Variants in NEK5 observed in about 807,000 individuals in gnomAD.
NEK5 encodes the protein serine/threonine-protein kinase Nek5.
A neutral mutation model predicts 109.2 loss-of-function variants in NEK5; 88 were observed. That is an observed-to-expected ratio of 0.81 (90% CI 0.68 to 0.96). The LOEUF is 0.96. NEK5 is among the 40% of genes least tolerant of loss of function. The pLI is 0.00. For synonymous variants in NEK5, 283 were observed against 299.9 expected (o/e 0.94, Z 0.58); for missense variants, 834 against 920.7 (o/e 0.91, Z 1.22).
intron 12 of NEK5, among the ~76,000 whole-genome samples, chr13:52,099,500 T>C (rs1955485347): frequency 6.6e-6 from 1 of 152,122 alleles, no homozygotes; most frequent in African/African-American, 2.4e-5. Flanking sequence ...TGAAACCCCA[T>C]CTCTACCAAA....
At chr13:52,085,160 A>C (rs1955115451) in intron 16 of NEK5, among the ~76,000 whole-genome samples, 1 of 152,078 alleles carries the variant, frequency 6.6e-6, no homozygotes, top group Non-Finnish European at 1.5e-5. Context: ...CTCCCATACT[A>C]TTTTAATGGT....
chr13:52,084,013 T>A (rs1053912539), intron 16 of NEK5, among the ~76,000 whole-genome samples: 1 of 152,134 alleles, frequency 6.6e-6, no homozygotes, highest in African/African-American at 2.4e-5. Flanking sequence ...CATGGTTCTT[T>A]CAGAATGCCC....
intron 12 of NEK5, 79 bp from the exon 13 acceptor site, chr13:52,093,314 C>A: frequency 1.9e-6 from 2 of 1,036,186 alleles, no homozygotes; most frequent in Non-Finnish European, 2.9e-6. Context: ...AACCCTAGCA[C>A]TTTGGGAGGC....
At position 52,099,732 on chromosome 13, in the gene NEK5, G is replaced by C; in HGVS notation, c.1026+11C>G. On this transcript the variant is annotated intron_variant, in intron 12 of 23. Transcript: ENST00000684899. ...GCTAAAAAACACAAAGGAGGGTTTA[G>C]AATGACTTACAGATCTGGCCTTCTG... 1 of 1,611,102 alleles carries C rather than the reference G, an allele frequency of 6.2e-7. No individual in the cohort carries two copies. Among genetic ancestry groups the C allele is most frequent in the Non-Finnish European group, 8.5e-7 (1 of 1,178,876 alleles).
At chr13:52,045,844 G>A (rs1386351342) in intron 23 of NEK5, among the ~76,000 whole-genome samples, 5 of 151,042 alleles carry the variant, frequency 3.3e-5, no homozygotes, top group African/African-American at 1.2e-4. Context: ...AGGCTGAGGC[G>A]GGTGGATCAC....
rs753180867 is a variant in NEK5 at position 52,034,881 on chromosome 13, C to CTTTTTTTTTTTTTTTTTTTTTTCT, written c.*2066_*2067insAGAAAAAAAAAAAAAAAAAAAAAA. Reference sequence around the variant, plus strand: ...ACCATCCTTAAACATTCTTTTTTTTCTTTTTTTTTTTTTTTTTTGCCCTTA... The same window carrying CTTTTTTTTTTTTTTTTTTTTTTCT: ...ACCATCCTTAAACATTCTTTTTTTTCTTTTTTTTTTTTTTTTTTTTTTCTTTTTTTTTTTTTTTTTTTGCCCTTA... On this transcript the variant is annotated 3_prime_UTR_variant, in exon 24 of 24. Transcript: ENST00000684899. The CTTTTTTTTTTTTTTTTTTTTTTCT allele has an allele frequency of 9.8e-6, 1 of 102,534 alleles. No individual in the cohort carries two copies. The highest frequency in any genetic ancestry group is 1.2e-4 in the Admixed American group (1 of 8,536). 6.4% of individuals were successfully genotyped at this position (102,534 alleles called of 1,614,324 possible). A position where few individuals can be genotyped will look rare whatever the true frequency, so the allele number is the denominator to read the frequency against.
At position 52,076,089 on chromosome 13, in the gene NEK5, T is replaced by C. The variant is rs762224268; in HGVS notation, c.1627A>G (p.Asn543Asp). ...MRLQNTKESKNPEQKYKAKKG... is the reference protein window; with the variant it reads ...MRLQNTKESKDPEQKYKAKKG... ...TTAGCTTTATATTTCTGTTCTGGAT[T>C]TTTACTTTCCTTTGTGTTCTGAAGC... Residue 543 changes from asparagine (N) to aspartate (D), a missense_variant, in exon 18 of 24, where the codon AAT becomes GAT. Coordinates refer to ENST00000684899, the MANE Select transcript of NEK5 (RefSeq NM_001365552.1). 6.2e-7 allele frequency: 1 copy of C among 1,601,254 alleles called. No homozygotes were observed. Among genetic ancestry groups the C allele is most frequent in the Non-Finnish European group, 8.5e-7 (1 of 1,171,678 alleles).
rs1270110282 is a variant in NEK5 at position 52,127,457 on chromosome 13, GC to G, written c.25del (p.Ala9ProfsTer12). 6.2e-7 allele frequency: 1 copy of G among 1,609,402 alleles called. No individual in the cohort carries two copies. Among genetic ancestry groups the G allele is most frequent in the Admixed American group, 1.7e-5 (1 of 59,990 alleles). MDKYDVIK[A>X]IGQGAFGKAY... is the part of the protein sequence containing the mutation. ...TTTCCCGAAGGCACCTTGCCCGATGGCCTTAATCACATCGTACTTATCCATG... is the reference window on the plus strand; with the variant it reads ...TTTCCCGAAGGCACCTTGCCCGATGGCTTAATCACATCGTACTTATCCATG... On this transcript the variant is annotated frameshift_variant, in exon 3 of 24. Coordinates refer to ENST00000684899, the MANE Select transcript of NEK5 (RefSeq NM_001365552.1). LOFTEE classifies it high-confidence loss of function.
intron 23 of NEK5, among the ~76,000 whole-genome samples, chr13:52,041,971 C>A (rs1728240257): frequency 6.6e-6 from 1 of 151,324 alleles, no homozygotes; most frequent in African/African-American, 2.4e-5. Context: ...ATTTTTAGAC[C>A]TAGACATACC....
intron 22 of NEK5, among the ~76,000 whole-genome samples, chr13:52,059,196 T>A: frequency 1.6e-5 from 1 of 62,134 alleles, no homozygotes; most frequent in Non-Finnish European, 3.2e-5. Flanking sequence ...AAAAAACACA[T>A]GAAAAAATGC....
At chr13:52,058,851 T>C (rs1478934285) in intron 22 of NEK5, among the ~76,000 whole-genome samples, 1 of 152,032 alleles carries the variant, frequency 6.6e-6, no homozygotes, top group Admixed American at 6.6e-5. Context: ...ATAAAAACCA[T>C]AGAAGAAAAC....
At chr13:52,053,892 C>A (rs112182967) in intron 22 of NEK5, among the ~76,000 whole-genome samples, 1 of 152,208 alleles carries the variant, frequency 6.6e-6, no homozygotes, top group Non-Finnish European at 1.5e-5. Context: ...CCTTCTACTG[C>A]ACCTTGTCCT....
chr13:52,052,357 CTACT>C (rs1051881292), intron 22 of NEK5, among the ~76,000 whole-genome samples: 7 of 152,134 alleles, frequency 4.6e-5, no homozygotes, highest in African/African-American at 1.7e-4. Context: ...CTGGATGGGG[CTACT>C]TACTTCTTTG....
intron 13 of NEK5, among the ~76,000 whole-genome samples, chr13:52,089,891 G>A (rs1955241280): frequency 6.6e-6 from 1 of 151,996 alleles, no homozygotes. Context: ...TGAGCAGGGA[G>A]GCAGAGGTTG....
intron 17 of NEK5, among the ~76,000 whole-genome samples, chr13:52,080,767 G>C (rs1432219480): frequency 6.6e-6 from 1 of 151,734 alleles, no homozygotes; most frequent in African/African-American, 2.4e-5. Context: ...AAGGCCGCAG[G>C]GTCCTCTGCC....
At chr13:52,095,942 G>A (rs1955404567) in intron 12 of NEK5, among the ~76,000 whole-genome samples, 1 of 152,144 alleles carries the variant, frequency 6.6e-6, no homozygotes, top group African/African-American at 2.4e-5. Context: ...CCTGGTAAAT[G>A]GATCGTTGGG....
intron 8 of NEK5, among the ~76,000 whole-genome samples, chr13:52,107,547 G>A (rs1377743229): frequency 1.3e-5 from 2 of 151,518 alleles, no homozygotes; most frequent in Non-Finnish European, 2.9e-5. Flanking sequence ...AGCCGAGATC[G>A]TGCCATTGCA....
rs942844889 is a variant in NEK5, at chr13:52,034,219, C to G, written c.*2729G>C. On this transcript the variant is annotated 3_prime_UTR_variant, in exon 24 of 24. Coordinates refer to ENST00000684899, the MANE Select transcript of NEK5 (RefSeq NM_001365552.1). ...TGCATACAGGTCTGGTGAACAGTTT[C>G]AATTTAACGGATGAGGCCAAGGCTA... 2 of 152,304 alleles carry G rather than the reference C, an allele frequency of 1.3e-5. No individual in the cohort carries two copies. The highest frequency in any genetic ancestry group is 6.5e-5 in the Admixed American group (1 of 15,302). 9.4% of individuals were successfully genotyped at this position (152,304 alleles called of 1,614,324 possible).
Position 52,099,562 on chromosome 13 carries a change from C to G in NEK5, c.1026+181G>C, listed in dbSNP as rs148847598. ...GCACACGTCTGTAGTCCCAGCTACT[C>G]AGGAGGCTGGGGCAGAAGAATTGCT... On this transcript the variant is annotated intron_variant, in intron 12 of 23. Coordinates refer to ENST00000684899, the MANE Select transcript of NEK5 (RefSeq NM_001365552.1). 5.5e-4 allele frequency among the ~76,000 whole-genome samples: 84 copies of G among 152,268 alleles called. No homozygotes were observed. The East Asian group carries it at 0.015, about 28-fold the overall frequency.
Sources: allele counts gnomAD v4.1 joint callset (sites outside exome capture counted in the v4.1 genomes callset), GRCh38; gene constraint gnomAD v4.1.1; transcripts MANE v1.5; gene names NCBI Gene and HGNC (gene_info 2026-07-23, HGNC 2026-07-21).